The following CRTAC1 variants were observed in gnomAD, a reference collection of about 807,000 sequenced individuals.
CRTAC1 encodes the protein cartilage acidic protein 1.
In CRTAC1, 37 loss-of-function variants were observed where a neutral mutation model predicts 67.8. The ratio of observed to expected loss-of-function variants is 0.55; its 90% CI spans 0.42 to 0.72. CRTAC1 has a LOEUF of 0.72. CRTAC1 is among the 30% of genes least tolerant of loss of function. The pLI is 0.00. For synonymous variants in CRTAC1, 348 were observed against 371.0 expected (o/e 0.94, Z 0.71); for missense variants, 780 against 931.6 (o/e 0.84, Z 2.12).
At chr10:97,995,832 C>T (rs1210457317) in intron 2 of CRTAC1, among the ~76,000 whole-genome samples, 4 of 152,148 alleles carry the variant, frequency 2.6e-5, no homozygotes, top group South Asian at 2.1e-4. Context: ...TAGGACCCCT[C>T]GGCCCTAGAG....
chr10:97,865,480 C>T lies in CRTAC1; in HGVS notation c.*68G>A. The stretch of plus-strand genomic sequence containing the variant: ...GGCCTTTACATCCCTACTGTCTAGG[C>T]AGCAGCACAAGCCCACTTTCCCACT... On this transcript the variant is annotated 3_prime_UTR_variant, in exon 15 of 15. Transcript: ENST00000370597. 5 of 1,544,132 alleles carry T rather than the reference C, an allele frequency of 3.2e-6. No homozygotes were observed. The Admixed American group carries it at 9.0e-5, about 28-fold the overall frequency.
At chr10:98,005,133 T>C in intron 2 of CRTAC1, among the ~76,000 whole-genome samples, 1 of 132,444 alleles carries the variant, frequency 7.6e-6, no homozygotes, top group Non-Finnish European at 1.6e-5. Context: ...AGATGGAGCT[T>C]TGCTCTTGTC....
intron 5 of CRTAC1, among the ~76,000 whole-genome samples, chr10:97,911,846 A>C (rs1375256411): frequency 2.0e-5 from 3 of 152,172 alleles, no homozygotes; most frequent in African/African-American, 7.2e-5. Context: ...GTACACACCA[A>C]ATTCGGTCAC....
At chr10:98,023,684 G>A (rs137878983) in intron 1 of CRTAC1, among the ~76,000 whole-genome samples, 3 of 152,296 alleles carry the variant, frequency 2.0e-5, no homozygotes, top group South Asian at 2.1e-4. Context: ...TGCCGGTGAC[G>A]GAAAGAGCCT....
chr10:97,952,252 T>C (rs2051367198), intron 2 of CRTAC1, among the ~76,000 whole-genome samples: 1 of 151,898 alleles, frequency 6.6e-6, no homozygotes, highest in African/African-American at 2.4e-5. Context: ...CTTGGGAGGC[T>C]GAGGCAGGAG....
At chr10:97,980,220 C>T (rs1248582263) in intron 2 of CRTAC1, among the ~76,000 whole-genome samples, 1 of 152,216 alleles carries the variant, frequency 6.6e-6, no homozygotes, top group Non-Finnish European at 1.5e-5. Flanking sequence ...GGCACACAGT[C>T]GGTGCTCAAT....
intron 8 of CRTAC1, among the ~76,000 whole-genome samples, chr10:97,900,843 C>CTG (rs2050527309): frequency 9.5e-6 from 1 of 105,008 alleles, no homozygotes; most frequent in Non-Finnish European, 1.9e-5. Flanking sequence ...GCCCCTTTTC[C>CTG]TGGTAGTGAT....
At chr10:97,940,786 G>A (rs555619669) in intron 2 of CRTAC1, among the ~76,000 whole-genome samples, 3 of 152,336 alleles carry the variant, frequency 2.0e-5, no homozygotes, top group South Asian at 2.1e-4. Context: ...CTGTGAGGAC[G>A]AGGTGCCAGA....
intron 2 of CRTAC1, among the ~76,000 whole-genome samples, chr10:97,954,340 A>G (rs111823377): frequency 0.013 from 1,923 of 152,294 alleles, 43 homozygotes; most frequent in African/African-American, 0.043. Flanking sequence ...TGTCCGCACC[A>G]TCATTAGACT....
chr10:97,941,354 T>A (rs969114132), intron 2 of CRTAC1, among the ~76,000 whole-genome samples: 4 of 152,128 alleles, frequency 2.6e-5, no homozygotes, highest in African/African-American at 9.7e-5. Context: ...GAGTCCCCAG[T>A]CCTGGGCATT....
intron 14 of CRTAC1, among the ~76,000 whole-genome samples, chr10:97,872,665 G>A (rs2136529618): frequency 6.6e-6 from 1 of 152,302 alleles, no homozygotes; most frequent in Middle Eastern, 3.4e-3. Flanking sequence ...AGAGAAGATG[G>A]GTATAGAGAG....
rs186203735 is a variant in CRTAC1 at position 97,966,347 on chromosome 10, T to A, written c.225-29981A>T. ...CTGGTCTTGAACACCTGGCCTCAAG[T>A]GGTCTGCCCCCCTCAGCCTCCCACA... On this transcript the variant is annotated intron_variant, in intron 2 of 14. Transcript: ENST00000370597. Among the ~76,000 whole-genome samples, 433 of 152,372 alleles carry A rather than the reference T, an allele frequency of 2.8e-3. 2 individuals are homozygous for A. Among genetic ancestry groups the A allele is most frequent in the African/African-American group, 9.7e-3 (403 of 41,592 alleles).
At position 98,002,774 on chromosome 10, in the gene CRTAC1, T is replaced by G. The variant is rs1050393285; in HGVS notation, c.224+8364A>C. On this transcript the variant is annotated intron_variant, in intron 2 of 14. Transcript: ENST00000370597. Reference sequence around the variant, plus strand: ...TTACAAAACTCACTTTTTTTTTTTTTTTTTTTTTTTTTTTTTTTTTTTTTG... The same window carrying G: ...TTACAAAACTCACTTTTTTTTTTTTGTTTTTTTTTTTTTTTTTTTTTTTTG... Among the ~76,000 whole-genome samples the G allele has an allele frequency of 3.2e-3, 326 of 100,326 alleles. 10 individuals are homozygous for G. Among genetic ancestry groups the G allele is most frequent in the African/African-American group, 0.014 (302 of 21,412 alleles). The allele number at this position is 100,326 out of a possible 152,430, so 65.8% of individuals were successfully genotyped here.
At position 97,904,804 on chromosome 10, in the gene CRTAC1, G is replaced by A. The variant is rs1283145689; in HGVS notation, c.861C>T (p.Asp287=). ...VDAAASAGVD[D]PHQHGRGVAL... ...CGACACCTCGCCCATGCTGGTGGGG[G>A]TCGTCCACACCTGGGGAGGAGAGGC... Residue 287 remains aspartate (D), a synonymous_variant, in exon 7 of 15, where the codon GAC becomes GAT. Coordinates refer to ENST00000370597, the MANE Select transcript of CRTAC1 (RefSeq NM_018058.7). 1 of 1,598,638 alleles carries A rather than the reference G, an allele frequency of 6.3e-7. No homozygotes were observed. Among genetic ancestry groups the A allele is most frequent in the South Asian group, 1.1e-5 (1 of 88,720 alleles).
rs1170423756 is a variant in CRTAC1, at chr10:98,029,669, G to A, written c.24+780C>T. 6.6e-6 allele frequency among the ~76,000 whole-genome samples: 1 copy of A among 152,204 alleles called. No individual in the cohort carries two copies. Among genetic ancestry groups the A allele is most frequent in the Non-Finnish European group, 1.5e-5 (1 of 68,036 alleles). On this transcript the variant is annotated intron_variant, in intron 1 of 14. Coordinates refer to ENST00000370597, the MANE Select transcript of CRTAC1 (RefSeq NM_018058.7). The surrounding 1 kb of genome is among the most constrained non-coding windows in gnomAD (Gnocchi z 4.7). ...TCTTGAGTTGCTTTCTGCAGAAGCG[G>A]GACTAACCAGGGCTCCCAACTACTG...
intron 2 of CRTAC1, among the ~76,000 whole-genome samples, chr10:97,942,761 C>A (rs2051195302): frequency 1.3e-5 from 2 of 148,990 alleles, no homozygotes. Context: ...ATTTTTTTTC[C>A]ATTAAAAAGT....
At chr10:97,896,848 C>T (rs1016138090) in intron 9 of CRTAC1, 61 bp downstream of exon 9, 2 of 580,306 alleles carry the variant, frequency 3.4e-6, no homozygotes, top group African/African-American at 1.9e-5. Flanking sequence ...CCCGCCCTCA[C>T]CCCAGTGTAT....
At chr10:98,022,126 C>T (rs770219607) in intron 1 of CRTAC1, among the ~76,000 whole-genome samples, 9 of 151,972 alleles carry the variant, frequency 5.9e-5, no homozygotes, top group South Asian at 2.1e-4. Context: ...GAGGCCGAGG[C>T]GGGCAGATCA....
At chr10:97,896,834 C>T in intron 9 of CRTAC1, 75 bp downstream of exon 9, 4 of 309,982 alleles carry the variant, frequency 1.3e-5, no homozygotes, top group Non-Finnish European at 1.4e-5. Flanking sequence ...GCTGCCCCGT[C>T]CCTCCCGCCC....
Sources: gnomAD v4.1 joint callset for allele counts (sites outside exome capture counted in the v4.1 genomes callset) on GRCh38, gnomAD v4.1.1 for gene constraint, Gnocchi (gnomAD v3.1) non-coding constraint, MANE v1.5 for transcripts, NCBI Gene and HGNC (gene_info 2026-07-23, HGNC 2026-07-21) for gene names.